Variants in KIF18A observed in about 807,000 individuals in gnomAD.
KIF18A encodes the protein kinesin-like protein KIF18A.
KIF18A carries 67 observed loss-of-function variants against 103.3 expected under a neutral mutation model. That is an observed-to-expected ratio of 0.65 (90% CI 0.53 to 0.79). The LOEUF (loss-of-function observed/expected upper bound fraction) is 0.79, where lower values mean the gene tolerates loss of function less well. Ranked by LOEUF, KIF18A falls within the 30% of genes least tolerant of loss-of-function variation. The probability of loss-of-function intolerance (pLI) is 0.00; values close to 1 mark genes in which losing one functional copy is unlikely to be tolerated. For synonymous variants in KIF18A, 367 were observed against 355.5 expected (o/e 1.03, Z -0.36); for missense variants, 1,032 against 1,062.5 (o/e 0.97, Z 0.40).
chr11:28,083,851 C>A (rs544741285), intron 7 of KIF18A, among the ~76,000 whole-genome samples: 1 of 151,932 alleles, frequency 6.6e-6, no homozygotes, highest in East Asian at 1.9e-4. Flanking sequence ...TGACCTTTTA[C>A]AATTAATTAT....
intron 10 of KIF18A, chr11:28,076,403 G>A (rs1851091553): frequency 6.6e-6 from 1 of 152,222 alleles, no homozygotes; most frequent in South Asian, 2.1e-4. Context: ...TAACCTGAGT[G>A]GGTAAACTTC....
intron 4 of KIF18A, among the ~76,000 whole-genome samples, chr11:28,091,123 AAAATAAATAAATAAAT>A (rs71050943): frequency 3.4e-5 from 5 of 147,342 alleles, no homozygotes; most frequent in Admixed American, 2.1e-4. Flanking sequence ...GCCCGGTCAC[AAAATAAATAAATAAAT>A]AAATAAATAA....
In KIF18A at chr11:28,023,780, A is replaced by T; in HGVS notation, c.2575T>A (p.Ser859Thr). The change falls in exon 16 of 17, where the codon TCA becomes ACA. Residue 859 changes from serine to threonine, a missense_variant. Coordinates refer to ENST00000263181, the MANE Select transcript of KIF18A (RefSeq NM_031217.4). ...TTTTCTTGTAAGTGCTTCTCACTTG[A>T]ATTATCTTGTCGAACACGTTTGGCA... ...GFAKRVRQDN[S>T]SEKHLQENKP... The T allele has an allele frequency of 6.2e-7, 1 of 1,612,894 alleles. No individual in the cohort carries two copies. The highest frequency in any genetic ancestry group is 8.5e-7 in the Non-Finnish European group (1 of 1,179,056).
intron 11 of KIF18A, among the ~76,000 whole-genome samples, chr11:28,065,231 T>C (rs996374011): frequency 2.6e-5 from 4 of 152,050 alleles, no homozygotes; most frequent in Admixed American, 6.6e-5. Flanking sequence ...TTGTGTGACC[T>C]TGGATAAGTC....
At chr11:28,052,661 C>G (rs759338989) in intron 13 of KIF18A, among the ~76,000 whole-genome samples, 7 of 151,974 alleles carry the variant, frequency 4.6e-5, no homozygotes, top group Non-Finnish European at 7.4e-5. Flanking sequence ...GCATGTAGTA[C>G]CTCCTAGCAT....
intron 10 of KIF18A, among the ~76,000 whole-genome samples, chr11:28,070,665 A>C (rs1301164198): frequency 6.6e-6 from 1 of 152,226 alleles, no homozygotes; most frequent in Non-Finnish European, 1.5e-5. Context: ...AGAAACAAAA[A>C]CCTGGATAGT....
rs1175460266 is a variant in KIF18A, at chr11:28,069,180, T to G, written c.1590+79A>C. On this transcript the variant is annotated intron_variant, in intron 11 of 16. Transcript: ENST00000263181. ...AATAATAGTTGTCTTATGAAAGACA[T>G]TTACTCAATAAGAAAAAGAACACAT... 2.8e-6 allele frequency: 3 copies of G among 1,090,050 alleles called. No individual in the cohort carries two copies. The East Asian group carries it at 7.1e-5, about 26-fold the overall frequency. The allele number at this position is 1,090,050 out of a possible 1,614,324, so 67.5% of individuals were successfully genotyped here.
At chr11:28,036,159 C>T in intron 14 of KIF18A, 58 bp downstream of exon 14, 1 of 1,118,964 alleles carries the variant, frequency 8.9e-7, no homozygotes, top group Non-Finnish European at 1.3e-6. Context: ...TAAACCTCAA[C>T]TAATAGTTGA....
chr11:28,102,813 G>A (rs1357971612), intron 1 of KIF18A, among the ~76,000 whole-genome samples: 1 of 152,116 alleles, frequency 6.6e-6, no homozygotes, highest in Non-Finnish European at 1.5e-5. Context: ...TACATCTGCA[G>A]GAATTAATGA....
At chr11:28,060,421 A>G (rs968902208) in intron 12 of KIF18A, among the ~76,000 whole-genome samples, 3 of 152,222 alleles carry the variant, frequency 2.0e-5, no homozygotes, top group African/African-American at 7.2e-5. Flanking sequence ...AAATATTTCA[A>G]TAGCAGCACA....
intron 13 of KIF18A, among the ~76,000 whole-genome samples, chr11:28,058,469 GT>G (rs1850810879): frequency 7.7e-6 from 1 of 129,576 alleles, no homozygotes; most frequent in Admixed American, 8.5e-5. Flanking sequence ...CTGGGTAACA[GT>G]GATACTTTGT....
chr11:28,035,083 G>A (rs1274707753), intron 15 of KIF18A, among the ~76,000 whole-genome samples: 1 of 151,534 alleles, frequency 6.6e-6, no homozygotes, highest in Non-Finnish European at 1.5e-5. Flanking sequence ...TAGAAATAAC[G>A]AAATAAGTAA....
intron 6 of KIF18A, among the ~76,000 whole-genome samples, chr11:28,088,085 TA>T (rs1002268922): frequency 2.3e-4 from 34 of 150,682 alleles, no homozygotes; most frequent in African/African-American, 4.1e-4. Flanking sequence ...AAACCCCCCT[TA>T]AAAAAAAATC....
In KIF18A at chr11:28,102,673, G is replaced by A. The variant is rs1851460474; in HGVS notation, c.-46-4680C>T. On this transcript the variant is annotated intron_variant, in intron 1 of 16. Transcript: ENST00000263181. ...TGCATATTTTAACAAAGACATGGAT[G>A]TTAATTTTTAAAGTATCATGTATTT... Among the ~76,000 whole-genome samples, 3 of 152,120 alleles carry A rather than the reference G, an allele frequency of 2.0e-5. No homozygotes were observed. In the South Asian group the frequency reaches 6.2e-4, roughly 31 times the overall value.
chr11:28,093,629 C>T (rs1375867513), intron 3 of KIF18A, among the ~76,000 whole-genome samples: 4 of 151,990 alleles, frequency 2.6e-5, no homozygotes, highest in Non-Finnish European at 4.4e-5. Flanking sequence ...CCAAATCTTA[C>T]ACAATTTGAA....
intron 9 of KIF18A, among the ~76,000 whole-genome samples, chr11:28,080,422 T>C (rs1458497216): frequency 6.6e-6 from 1 of 152,002 alleles, no homozygotes; most frequent in Non-Finnish European, 1.5e-5. Flanking sequence ...AAGCATCATT[T>C]TTCCTACAGC....
chr11:28,090,386 C>T (rs544636341), intron 5 of KIF18A, among the ~76,000 whole-genome samples: 1 of 152,258 alleles, frequency 6.6e-6, no homozygotes, highest in Non-Finnish European at 1.5e-5. Context: ...TTTATTACTA[C>T]AACTTTATCC....
At chr11:28,092,476 C>T (rs370306323) in intron 3 of KIF18A, among the ~76,000 whole-genome samples, 6 of 152,306 alleles carry the variant, frequency 3.9e-5, no homozygotes, top group African/African-American at 1.4e-4. Flanking sequence ...GACAGCTTCA[C>T]TCTACTGCAT....
At chr11:28,054,447 C>A (rs74924682) in intron 13 of KIF18A, among the ~76,000 whole-genome samples, 2 of 152,074 alleles carry the variant, frequency 1.3e-5, no homozygotes. Flanking sequence ...CTGACTCAAG[C>A]GATCGGCCTG....
Sources: gnomAD v4.1 joint callset for allele counts (sites outside exome capture counted in the v4.1 genomes callset) on GRCh38, gnomAD v4.1.1 for gene constraint, MANE v1.5 for transcripts, NCBI Gene and HGNC (gene_info 2026-07-23, HGNC 2026-07-21) for gene names.